The following PCDH11X variants were observed in gnomAD, a reference collection of about 807,000 sequenced individuals.
PCDH11X encodes the protein protocadherin 11 X-linked.
A neutral mutation model predicts 53.3 loss-of-function variants in PCDH11X; 18 were observed. The ratio of observed to expected loss-of-function variants is 0.34; its 90% CI spans 0.23 to 0.50. The LOEUF is 0.50. Ranked by LOEUF, PCDH11X falls within the 20% of genes least tolerant of loss-of-function variation. The pLI is 0.98. For synonymous variants in PCDH11X, 279 were observed against 393.3 expected (o/e 0.71, Z 3.44); for missense variants, 570 against 1,032.4 (o/e 0.55, Z 6.14).
intron 8 of PCDH11X, among the ~76,000 whole-genome samples, chrX:92,282,099 A>G (rs898667058): frequency 9.0e-6 from 1 of 111,163 alleles, no homozygotes; most frequent in African/African-American, 3.3e-5. Flanking sequence ...GAGGAAAAGC[A>G]AAAGAGTGAA....
intron 10 of PCDH11X, among the ~76,000 whole-genome samples, chrX:92,584,430 T>A (rs1924104044): frequency 9.0e-6 from 1 of 111,698 alleles, no homozygotes; most frequent in African/African-American, 3.2e-5. Flanking sequence ...AGAGAGTATC[T>A]TCTCAGATCC....
intron 6 of PCDH11X, among the ~76,000 whole-genome samples, chrX:92,194,552 G>A (rs2066258319): frequency 9.0e-6 from 1 of 111,644 alleles, no homozygotes; most frequent in South Asian, 3.7e-4. Flanking sequence ...GCTAATAAGA[G>A]TATGCATTTT....
chrX:92,083,933 CAA>C (rs1452833805), intron 6 of PCDH11X, among the ~76,000 whole-genome samples: 1 of 109,514 alleles, frequency 9.1e-6, no homozygotes, highest in African/African-American at 3.3e-5. Flanking sequence ...ACTAAAAATA[CAA>C]AAATTAGCCG....
At chrX:92,005,695 A>C in intron 6 of PCDH11X, among the ~76,000 whole-genome samples, 1 of 111,444 alleles carries the variant, frequency 9.0e-6, no homozygotes, top group East Asian at 2.8e-4. Flanking sequence ...TATTATCATT[A>C]GGTTTTGTAT....
At chrX:91,783,582 T>C (rs1253381924) in intron 1 of PCDH11X, among the ~76,000 whole-genome samples, 1 of 112,083 alleles carries the variant, frequency 8.9e-6, no homozygotes, top group Non-Finnish European at 1.9e-5. Flanking sequence ...AAATTCTTTT[T>C]CTCTGCGCAA....
In PCDH11X at chrX:92,341,713, G is replaced by T. The variant is rs756963173; in HGVS notation, c.3145-46022G>T. ...GTACTAAACCATTCGTGAGTCGTCC[G>T]ACTCCATGATCTAATTACTCTCACC... On this transcript the variant is annotated intron_variant, in intron 8 of 10. Transcript: ENST00000682573. 3.6e-5 allele frequency among the ~76,000 whole-genome samples: 4 copies of T among 111,007 alleles called. No homozygotes were observed. In the East Asian group the frequency reaches 8.6e-4, roughly 24 times the overall value.
At position 92,029,986 on chromosome X, in the gene PCDH11X, T is replaced by TG. The variant is rs747395559; in HGVS notation, c.3033+150715dup. On this transcript the variant is annotated intron_variant, in intron 6 of 10. Transcript: ENST00000682573. ...AGCTATATTTCAATTTTTTTTGAGA[T>TG]GGAGTCTTGCTCTGTGGCCAGGCTA... Among the ~76,000 whole-genome samples the TG allele has an allele frequency of 6.8e-3, 760 of 112,432 alleles. 2 individuals carry two copies. Among genetic ancestry groups the TG allele is most frequent in the Non-Finnish European group, 0.01 (551 of 53,283 alleles).
At chrX:92,583,001 T>C (rs1370062313) in intron 10 of PCDH11X, among the ~76,000 whole-genome samples, 3 of 110,990 alleles carry the variant, frequency 2.7e-5, no homozygotes, top group Non-Finnish European at 5.7e-5. Flanking sequence ...ATCCAATGCC[T>C]ATACTCCTGT....
At chrX:92,179,091 TG>T (rs1855587429) in intron 6 of PCDH11X, among the ~76,000 whole-genome samples, 1 of 112,210 alleles carries the variant, frequency 8.9e-6, no homozygotes, top group South Asian at 3.6e-4. Context: ...TTACCCCATA[TG>T]CTCAAAGAAG....
At chrX:92,157,044 A>G (rs1399881307) in intron 6 of PCDH11X, among the ~76,000 whole-genome samples, 1 of 111,971 alleles carries the variant, frequency 8.9e-6, no homozygotes, top group Non-Finnish European at 1.9e-5. Context: ...ACAAAATCCA[A>G]TGGTTGCGGT....
At chrX:91,944,548 G>C (rs1174232334) in intron 6 of PCDH11X, among the ~76,000 whole-genome samples, 5 of 105,403 alleles carry the variant, frequency 4.7e-5, no homozygotes, top group Non-Finnish European at 9.8e-5. Context: ...ATAAGCCTTT[G>C]ATATTTCCTC....
intron 6 of PCDH11X, chrX:92,114,594 G>T: frequency 2.5e-6 from 1 of 398,615 alleles, no homozygotes; most frequent in South Asian, 3.9e-5. Flanking sequence ...CTTTCCTAAA[G>T]GCAAAGATCA....
At chrX:92,046,937 A>G (rs1222238989) in intron 6 of PCDH11X, among the ~76,000 whole-genome samples, 1 of 98,600 alleles carries the variant, frequency 1.0e-5, no homozygotes. Context: ...TATAATCTGT[A>G]TAGATTTCCC....
At chrX:91,966,919 C>A (rs2061872048) in intron 6 of PCDH11X, among the ~76,000 whole-genome samples, 1 of 109,942 alleles carries the variant, frequency 9.1e-6, no homozygotes, top group African/African-American at 3.3e-5. Flanking sequence ...AGCCTGTCAT[C>A]TGGCTTTTAA....
chrX:92,374,812 T>A (rs2148556664), intron 8 of PCDH11X, among the ~76,000 whole-genome samples: 1 of 110,495 alleles, frequency 9.1e-6, no homozygotes, highest in Non-Finnish European at 1.9e-5. Flanking sequence ...ATAATCCATA[T>A]CACCATGTGT....
At chrX:92,098,800 A>C (rs1186003549) in intron 6 of PCDH11X, among the ~76,000 whole-genome samples, 1 of 109,601 alleles carries the variant, frequency 9.1e-6, no homozygotes, top group Non-Finnish European at 1.9e-5. Context: ...GGCATGTGCC[A>C]CCATACCCAG....
intron 7 of PCDH11X, among the ~76,000 whole-genome samples, chrX:92,221,278 AAC>A (rs58264678): frequency 0.033 from 2,946 of 87,990 alleles, 173 homozygotes; most frequent in African/African-American, 0.12. Flanking sequence ...CATTGTATAC[AAC>A]ACACACACAC....
At chrX:91,977,338 G>C (rs944518004) in intron 6 of PCDH11X, among the ~76,000 whole-genome samples, 5 of 112,034 alleles carry the variant, frequency 4.5e-5, no homozygotes, top group African/African-American at 6.5e-5. Flanking sequence ...TACAAAAATA[G>C]ATAACTGTAC....
At chrX:92,046,481 G>A (rs2759828) in intron 6 of PCDH11X, among the ~76,000 whole-genome samples, 19 of 111,306 alleles carry the variant, frequency 1.7e-4, no homozygotes, top group Non-Finnish European at 3.2e-4. Context: ...ATCTTTGGAA[G>A]GTACCGTCTA....
Sources: gnomAD v4.1 joint callset for allele counts (sites outside exome capture counted in the v4.1 genomes callset) on GRCh38, gnomAD v4.1.1 for gene constraint, MANE v1.5 for transcripts, NCBI Gene and HGNC (gene_info 2026-07-23, HGNC 2026-07-21) for gene names.